ASIC2: variants seen among roughly 807,000 people sequenced by gnomAD.
The protein encoded by ASIC2 is acid-sensing ion channel 2.
A neutral mutation model predicts 57.3 loss-of-function variants in ASIC2; 25 were observed. That is an observed-to-expected ratio of 0.44 (90% CI 0.32 to 0.61). The LOEUF is 0.61. Ranked by LOEUF, ASIC2 falls within the 20% of genes least tolerant of loss-of-function variation. The pLI, the probability that ASIC2 is intolerant of heterozygous loss-of-function variation, is 0.06. For synonymous variants in ASIC2, 319 were observed against 307.5 expected, an observed-to-expected ratio of 1.04 and a Z score of -0.39; for missense variants, 641 against 738.1, an observed-to-expected ratio of 0.87 and a Z score of 1.52.
intron 1 of ASIC2, among the ~76,000 whole-genome samples, chr17:33,644,032 C>G (rs1795484676): frequency 6.6e-6 from 1 of 152,152 alleles, no homozygotes; most frequent in Admixed American, 6.6e-5. Context: ...ATGTCTAATT[C>G]AATACTTGGT....
chr17:33,739,921 AAAG>A (rs1320771392), intron 1 of ASIC2, among the ~76,000 whole-genome samples: 5 of 151,180 alleles, frequency 3.3e-5, no homozygotes, highest in African/African-American at 9.7e-5. Flanking sequence ...AGAAAAGAAA[AAAG>A]AAAGAAAAAA....
chr17:33,365,556 C>T (rs1567837104), intron 1 of ASIC2, among the ~76,000 whole-genome samples: 1 of 152,162 alleles, frequency 6.6e-6, no homozygotes, highest in Non-Finnish European at 1.5e-5. Flanking sequence ...CTGTTACACA[C>T]TGTGTTTGTC....
intron 1 of ASIC2, among the ~76,000 whole-genome samples, chr17:33,146,425 CT>C (rs1244241450): frequency 1.3e-5 from 2 of 152,164 alleles, no homozygotes; most frequent in African/African-American, 4.8e-5. Context: ...TTGAAGCCCA[CT>C]TGGCTGGCTG....
At chr17:34,115,544 TTTAA>T (rs1327192557) in intron 1 of ASIC2, among the ~76,000 whole-genome samples, 43 of 152,308 alleles carry the variant, frequency 2.8e-4, no homozygotes, top group East Asian at 2.7e-3. Context: ...AATTGATGGC[TTTAA>T]TTGTTTTTCA....
chr17:34,018,299 T>A (rs560344122), intron 1 of ASIC2, among the ~76,000 whole-genome samples: 1 of 152,358 alleles, frequency 6.6e-6, no homozygotes, highest in East Asian at 1.9e-4. Context: ...TTAAGCACAC[T>A]GTTGAGATCT....
intron 1 of ASIC2, among the ~76,000 whole-genome samples, chr17:33,799,365 TCTTTCTTTCTTC>T (rs1288137719): frequency 1.6e-5 from 2 of 124,598 alleles, no homozygotes; most frequent in African/African-American, 6.3e-5. Flanking sequence ...TTTCTTTCTT[TCTTTCTTTCTTC>T]CTTTCTTTCT....
chr17:34,011,195 A>G lies in ASIC2; in HGVS notation c.555+144783T>C, dbSNP rs369379508. Among the ~76,000 whole-genome samples, 371 of 152,196 alleles carry G rather than the reference A, an allele frequency of 2.4e-3. 2 individuals carry two copies. The highest frequency in any genetic ancestry group is 8.8e-3 in the African/African-American group (367 of 41,514). On this transcript the variant is annotated intron_variant, in intron 1 of 9. Coordinates refer to the ASIC2 transcript ENST00000359872. The stretch of plus-strand genomic sequence containing the variant: ...GTCAAACATGCACAGATGCACACAC[A>G]CATAGACATATACAGACACAGACCC...
At chr17:34,074,523 T>G (rs994311884) in intron 1 of ASIC2, among the ~76,000 whole-genome samples, 9 of 152,128 alleles carry the variant, frequency 5.9e-5, no homozygotes, top group Non-Finnish European at 1.3e-4. Context: ...TGTCATGATT[T>G]ATTTTCTTAA....
chr17:33,565,746 C>T (rs1462801911), intron 1 of ASIC2: 1 of 152,266 alleles, frequency 6.6e-6, no homozygotes, highest in African/African-American at 2.4e-5. Flanking sequence ...AAAACCTCTC[C>T]TCTCTTCTAA....
chr17:34,104,365 A>T (rs1910968814), intron 1 of ASIC2, among the ~76,000 whole-genome samples: 1 of 152,104 alleles, frequency 6.6e-6, no homozygotes, highest in African/African-American at 2.4e-5. Flanking sequence ...GGCTTTTCTT[A>T]TAAAATTGAA....
intron 1 of ASIC2, among the ~76,000 whole-genome samples, chr17:34,105,947 G>C (rs9910415): frequency 0.22 from 33,803 of 151,530 alleles, 5,503 homozygotes; most frequent in African/African-American, 0.46. Context: ...CATCCATATT[G>C]TAATTTTGTC....
intron 9 of ASIC2, among the ~76,000 whole-genome samples, chr17:33,015,319 G>A (rs2091800090): frequency 6.6e-6 from 1 of 152,156 alleles, no homozygotes. Flanking sequence ...CTGAGTTTTG[G>A]AAGCAGAATG....
intron 1 of ASIC2, among the ~76,000 whole-genome samples, chr17:33,239,697 A>G (rs1703435967): frequency 6.6e-6 from 1 of 152,216 alleles, no homozygotes; most frequent in Non-Finnish European, 1.5e-5. Context: ...AAAAGTGATT[A>G]CAAATTTAGA....
At chr17:33,230,536 C>T (rs966458790) in intron 1 of ASIC2, among the ~76,000 whole-genome samples, 3 of 152,186 alleles carry the variant, frequency 2.0e-5, no homozygotes, top group African/African-American at 7.2e-5. Flanking sequence ...GGGGGCCGGA[C>T]TTCCAGCTCA....
chr17:33,915,459 T>G (rs1915563356), intron 1 of ASIC2, among the ~76,000 whole-genome samples: 1 of 152,240 alleles, frequency 6.6e-6, no homozygotes, highest in Non-Finnish European at 1.5e-5. Context: ...GTCTTCCTAC[T>G]TGCCTTGGGG....
chr17:33,384,043 C>T (rs1177218111), intron 1 of ASIC2, among the ~76,000 whole-genome samples: 1 of 152,190 alleles, frequency 6.6e-6, no homozygotes, highest in African/African-American at 2.4e-5. Context: ...AAGAGATTGT[C>T]TCCCTGGACT....
At chr17:33,024,141 G>A (rs2091850042) in intron 5 of ASIC2, 127 bp from the exon 6 acceptor site, 1 of 1,275,014 alleles carries the variant, frequency 7.8e-7, no homozygotes, top group Non-Finnish European at 1.1e-6. Context: ...GAAAGTGAGG[G>A]GCAGGGATTG....
At chr17:33,935,174 A>G (rs920554341) in intron 1 of ASIC2, among the ~76,000 whole-genome samples, 4 of 152,092 alleles carry the variant, frequency 2.6e-5, no homozygotes, top group Non-Finnish European at 4.4e-5. Context: ...ACTGCCCCCT[A>G]CATCTGGAAC....
rs774686099 is a variant in ASIC2 at position 34,003,929 on chromosome 17, C to G, written c.555+152049G>C. On this transcript the variant is annotated intron_variant, in intron 1 of 9. Coordinates refer to the ASIC2 transcript ENST00000359872. ...CCTCCCTGGCTTCCTTTTTTCTGCCCATGTCCATGCAACAAGCATCTTAAA... is the reference window on the plus strand; with the variant it reads ...CCTCCCTGGCTTCCTTTTTTCTGCCGATGTCCATGCAACAAGCATCTTAAA... 3.3e-5 allele frequency: 5 copies of G among 152,302 alleles called. No homozygotes were observed. The East Asian group carries it at 9.6e-4, about 29-fold the overall frequency. The allele number at this position is 152,302 out of a possible 1,614,324, so 9.4% of individuals were successfully genotyped here.
Sources: gnomAD v4.1 joint callset for allele counts (sites outside exome capture counted in the v4.1 genomes callset) on GRCh38, gnomAD v4.1.1 for gene constraint, MANE v1.5 for transcripts, NCBI Gene and HGNC (gene_info 2026-07-23, HGNC 2026-07-21) for gene names.